TMX4: variants seen among roughly 807,000 people sequenced by gnomAD.
The protein encoded by TMX4 is thioredoxin-related transmembrane protein 4.
In TMX4, 23 loss-of-function variants were observed where a neutral mutation model predicts 33.3. That is an observed-to-expected ratio of 0.69 (90% CI 0.50 to 0.98). TMX4 has a LOEUF of 0.98. Among genes scored for constraint, TMX4 ranks in the 50% least tolerant of loss-of-function variants. The pLI is 0.00. For synonymous variants in TMX4, 164 were observed against 161.5 expected (o/e 1.02, Z -0.12); for missense variants, 399 against 448.9 (o/e 0.89, Z 1.01).
intron 3 of TMX4, among the ~76,000 whole-genome samples, chr20:8,000,495 T>G (rs2050700842): frequency 6.6e-6 from 1 of 152,150 alleles, no homozygotes; most frequent in African/African-American, 2.4e-5. Context: ...TTACTGGCAT[T>G]GTTCATTCAC....
chr20:7,985,917 A>G (rs535921465), intron 6 of TMX4, among the ~76,000 whole-genome samples: 13 of 152,298 alleles, frequency 8.5e-5, no homozygotes, highest in African/African-American at 3.1e-4. Flanking sequence ...CATCAAAAAT[A>G]ATATTCTAAA....
intron 2 of TMX4, among the ~76,000 whole-genome samples, chr20:8,004,204 C>T (rs141431327): frequency 4.1e-4 from 62 of 151,970 alleles, no homozygotes; most frequent in African/African-American, 1.4e-3. Context: ...CCAAAAATGT[C>T]TTCTAACCTT....
At chr20:7,997,046 C>T (rs1356166290) in intron 4 of TMX4, among the ~76,000 whole-genome samples, 1 of 152,112 alleles carries the variant, frequency 6.6e-6, no homozygotes, top group East Asian at 1.9e-4. Flanking sequence ...AGAGACTACG[C>T]CCTTCTTCTT....
At chr20:7,991,728 A>G (rs1033262597) in intron 5 of TMX4, among the ~76,000 whole-genome samples, 1 of 152,214 alleles carries the variant, frequency 6.6e-6, no homozygotes, top group Non-Finnish European at 1.5e-5. Context: ...TGAAGACAAT[A>G]ATGATTAATA....
Position 8,010,330 on chromosome 20 carries a change from T to C in TMX4, c.177-15A>G. 1 of 1,557,302 alleles carries C rather than the reference T, an allele frequency of 6.4e-7. No homozygotes were observed. Among genetic ancestry groups the C allele is most frequent in the South Asian group, 1.1e-5 (1 of 87,218 alleles). ...ATGGGGCGTAACTATAAGAGAAGAA[T>C]AAGAATTATATTGATAAATATACAG... On this transcript the variant is annotated splice_polypyrimidine_tract_variant and intron_variant, in intron 1 of 7. Coordinates refer to ENST00000246024, the MANE Select transcript of TMX4 (RefSeq NM_021156.4).
chr20:8,017,408 A>G (rs1347103323), intron 1 of TMX4, among the ~76,000 whole-genome samples: 1 of 152,256 alleles, frequency 6.6e-6, no homozygotes, highest in African/African-American at 2.4e-5. Context: ...TGGACACATG[A>G]CAAACTCAGA....
At position 7,978,978 on chromosome 20, in the gene TMX4, A is replaced by C. The variant is rs916940425; in HGVS notation, c.*3273T>G. 2.0e-5 allele frequency: 3 copies of C among 152,182 alleles called. No individual in the cohort carries two copies. The highest frequency in any genetic ancestry group is 6.5e-5 in the Admixed American group (1 of 15,268). The allele number at this position is 152,182 out of a possible 1,614,324, so 9.4% of individuals were successfully genotyped here. On this transcript the variant is annotated 3_prime_UTR_variant, in exon 8 of 8. Coordinates refer to ENST00000246024, the MANE Select transcript of TMX4 (RefSeq NM_021156.4). ...CACTGCACATTCCCATTCCAAAACCAGTTACCTGCATTGCATTCACCTAAT... is the reference window on the plus strand; with the variant it reads ...CACTGCACATTCCCATTCCAAAACCCGTTACCTGCATTGCATTCACCTAAT...
At chr20:7,988,633 T>C (rs147039524) in intron 5 of TMX4, among the ~76,000 whole-genome samples, 93 of 152,330 alleles carry the variant, frequency 6.1e-4, no homozygotes, top group African/African-American at 2.2e-3. Context: ...TATTTATTCA[T>C]ACGAAAGGCA....
At position 7,978,929 on chromosome 20, in the gene TMX4, T is replaced by C. The variant is rs1260512765; in HGVS notation, c.*3322A>G. 1 of 152,232 alleles carries C rather than the reference T, an allele frequency of 6.6e-6. No homozygotes were observed. Among genetic ancestry groups the C allele is most frequent in the African/African-American group, 2.4e-5 (1 of 41,470 alleles). 9.4% of individuals were successfully genotyped at this position (152,232 alleles called of 1,614,324 possible). ...CCTTCTAATTGATGAAAAGATACCC[T>C]GCTCCAACTCCCCAAACATAAAGCA... On this transcript the variant is annotated 3_prime_UTR_variant, in exon 8 of 8. Transcript: ENST00000246024.
At chr20:7,983,266 C>G (rs2050616936) in intron 7 of TMX4, among the ~76,000 whole-genome samples, 2 of 152,202 alleles carry the variant, frequency 1.3e-5, no homozygotes, top group South Asian at 4.1e-4. Flanking sequence ...GCCTCAAAAA[C>G]TTCAAGAACT....
chr20:7,997,278 GGGACCCATTTCCATGC>G (rs527297159), intron 4 of TMX4, among the ~76,000 whole-genome samples: 33 of 151,638 alleles, frequency 2.2e-4, no homozygotes, highest in African/African-American at 7.0e-4. Context: ...ATTCTTCATG[GGGACCCATTTCCATGC>G]ATCTGATATG....
At position 8,019,602 on chromosome 20, in the gene TMX4, C is replaced by G. The variant is rs374877200; in HGVS notation, c.12G>C (p.Gly4=). 1.5e-6 allele frequency: 2 copies of G among 1,351,256 alleles called. No individual in the cohort carries two copies. Among genetic ancestry groups the G allele is most frequent in the South Asian group, 3.8e-5 (2 of 52,708 alleles). 83.7% of individuals were successfully genotyped at this position (1,351,256 alleles called of 1,614,324 possible). Residue 4 remains glycine, a synonymous_variant, in exon 1 of 8, where the codon GGG becomes GGC. Coordinates refer to ENST00000246024, the MANE Select transcript of TMX4 (RefSeq NM_021156.4). ...GCGCCGTTAGCTGCGGGCCGCAGCG[C>G]CCACCCGCCATGTTGGGCGCCGAGC... MAG[G]RCGPQLTALL... is the part of the protein sequence containing the mutation.
At chr20:7,988,148 T>G (rs943774106) in intron 5 of TMX4, among the ~76,000 whole-genome samples, 13 of 152,358 alleles carry the variant, frequency 8.5e-5, no homozygotes, top group East Asian at 7.7e-4. Flanking sequence ...GATGTAGAGT[T>G]GCAGGAGCCA....
intron 1 of TMX4, among the ~76,000 whole-genome samples, chr20:8,016,132 A>G (rs1332322424): frequency 6.6e-6 from 1 of 152,272 alleles, no homozygotes; most frequent in Non-Finnish European, 1.5e-5. Context: ...GAAGAATAGT[A>G]TAAAACAATG....
At chr20:7,985,713 A>C (rs1388691352) in intron 6 of TMX4, among the ~76,000 whole-genome samples, 1 of 152,286 alleles carries the variant, frequency 6.6e-6, no homozygotes, top group African/African-American at 2.4e-5. Flanking sequence ...ATATTTTGTT[A>C]AATAAAGTTA....
At chr20:7,996,197 C>G (rs943560136) in intron 4 of TMX4, 126 bp from the exon 5 acceptor site, 13 of 679,306 alleles carry the variant, frequency 1.9e-5, no homozygotes, top group Non-Finnish European at 3.0e-5. Flanking sequence ...CTCCCAGATT[C>G]ATATCTGTTC....
At chr20:7,989,173 A>T (rs983830036) in intron 5 of TMX4, among the ~76,000 whole-genome samples, 3 of 152,186 alleles carry the variant, frequency 2.0e-5, no homozygotes, top group Non-Finnish European at 2.9e-5. Flanking sequence ...CTGTGTATTA[A>T]GCTTATGCTT....
intron 2 of TMX4, among the ~76,000 whole-genome samples, chr20:8,005,551 T>C (rs6140493): frequency 0.072 from 10,985 of 152,192 alleles, 1,014 homozygotes; most frequent in East Asian, 0.53. Flanking sequence ...GGCATTTCTG[T>C]TTTTGTGCCC....
intron 6 of TMX4, among the ~76,000 whole-genome samples, chr20:7,985,886 AT>A (rs1384548074): frequency 2.0e-5 from 3 of 152,142 alleles, no homozygotes; most frequent in Non-Finnish European, 4.4e-5. Flanking sequence ...GCCTGACTCA[AT>A]TTCATGGACT....
Sources: allele counts gnomAD v4.1 joint callset (sites outside exome capture counted in the v4.1 genomes callset), GRCh38; gene constraint gnomAD v4.1.1; transcripts MANE v1.5; gene names NCBI Gene and HGNC (gene_info 2026-07-23, HGNC 2026-07-21).